The following FOXN3 variants were observed in gnomAD, a reference collection of about 807,000 sequenced individuals.
FOXN3 encodes forkhead box N3, also known as forkhead box protein N3.
In FOXN3, 7 loss-of-function variants were observed where a neutral mutation model predicts 38.4. The observed-to-expected ratio is 0.18, with a 90% CI of 0.10 to 0.34. The LOEUF is 0.34. Ranked by LOEUF, FOXN3 falls within the 10% of genes least tolerant of loss-of-function variation. The pLI is 1.00. For synonymous variants in FOXN3, 230 were observed against 242.2 expected (o/e 0.95, Z 0.47); for missense variants, 456 against 613.4 (o/e 0.74, Z 2.71).
chr14:89,338,365 C>T (rs1187604461), intron 3 of FOXN3, among the ~76,000 whole-genome samples: 3 of 152,202 alleles, frequency 2.0e-5, no homozygotes, highest in Non-Finnish European at 4.4e-5. Flanking sequence ...ATAACACCTA[C>T]ATGTGAAGTT....
At chr14:89,317,323 C>G (rs1007683516) in intron 3 of FOXN3, among the ~76,000 whole-genome samples, 7 of 152,172 alleles carry the variant, frequency 4.6e-5, no homozygotes, top group African/African-American at 1.4e-4. Context: ...GGAACAGCCA[C>G]CCCACTTCCT....
chr14:89,397,029 G>C (rs1418121942), intron 2 of FOXN3, among the ~76,000 whole-genome samples: 3 of 152,056 alleles, frequency 2.0e-5, no homozygotes, highest in Non-Finnish European at 2.9e-5. Flanking sequence ...CAAAGCCATG[G>C]AATCAACCTA....
intron 2 of FOXN3, among the ~76,000 whole-genome samples, chr14:89,410,585 A>C (rs1360999475): frequency 6.6e-6 from 1 of 152,230 alleles, no homozygotes; most frequent in African/African-American, 2.4e-5. Flanking sequence ...CCTTAAAACA[A>C]AAATAGGCCA....
intron 1 of FOXN3, among the ~76,000 whole-genome samples, chr14:89,416,512 T>C (rs1306918114): frequency 6.6e-6 from 1 of 152,038 alleles, no homozygotes. Flanking sequence ...GGGTGATCTT[T>C]GTTAGGAGCC....
At chr14:89,396,143 C>T (rs1891093117) in intron 2 of FOXN3, among the ~76,000 whole-genome samples, 1 of 152,178 alleles carries the variant, frequency 6.6e-6, no homozygotes, top group East Asian at 1.9e-4. Context: ...TTAAAGCATA[C>T]TCTCAAAGAC....
chr14:89,542,002 C>T (rs1424690630), intron 1 of FOXN3, among the ~76,000 whole-genome samples: 1 of 151,938 alleles, frequency 6.6e-6, no homozygotes, highest in Non-Finnish European at 1.5e-5. Flanking sequence ...TCTTGGATCT[C>T]GCGTAAGAAA....
intron 4 of FOXN3, among the ~76,000 whole-genome samples, chr14:89,186,199 G>A (rs766116409): frequency 1.9e-4 from 29 of 152,124 alleles, no homozygotes; most frequent in Admixed American, 6.5e-4. Flanking sequence ...GGGCTGGCAC[G>A]GGGAGACACA....
At chr14:89,547,370 T>C (rs1167691678) in intron 1 of FOXN3, among the ~76,000 whole-genome samples, 3 of 152,210 alleles carry the variant, frequency 2.0e-5, no homozygotes, top group African/African-American at 7.2e-5. Flanking sequence ...TTCTCCTGCC[T>C]CAGTCTCCCA....
At chr14:89,463,191 T>A (rs192342329) in intron 1 of FOXN3, among the ~76,000 whole-genome samples, 116 of 150,818 alleles carry the variant, frequency 7.7e-4, no homozygotes, top group African/African-American at 2.2e-3. Flanking sequence ...CAGGAGGCTG[T>A]GGCAGGAGAA....
At chr14:89,166,826 T>C (rs905009613) in intron 5 of FOXN3, among the ~76,000 whole-genome samples, 32 of 152,212 alleles carry the variant, frequency 2.1e-4, no homozygotes, top group African/African-American at 7.2e-4. Flanking sequence ...CTTGGTGCAA[T>C]GTTATTCACG....
chr14:89,304,893 G>C (rs557070361), intron 3 of FOXN3, among the ~76,000 whole-genome samples: 1 of 149,896 alleles, frequency 6.7e-6, no homozygotes, highest in South Asian at 2.1e-4. Context: ...ACCCAGAGGA[G>C]AGGAAGCTGA....
intron 1 of FOXN3, among the ~76,000 whole-genome samples, chr14:89,449,822 A>G (rs1892579107): frequency 6.6e-6 from 1 of 152,152 alleles, no homozygotes; most frequent in South Asian, 2.1e-4. Context: ...TCCATCAGGC[A>G]GCCTCTAGGA....
chr14:89,516,626 A>G (rs1183718052), intron 1 of FOXN3, among the ~76,000 whole-genome samples: 1 of 149,796 alleles, frequency 6.7e-6, no homozygotes, highest in Non-Finnish European at 1.5e-5. Flanking sequence ...CAGTGGCACA[A>G]TCATGGCTCA....
At chr14:89,284,450 G>C (rs1473493009) in intron 3 of FOXN3, 3 of 455,906 alleles carry the variant, frequency 6.6e-6, no homozygotes, top group Non-Finnish European at 1.3e-5. Context: ...CGCATCAACA[G>C]CTCCAATTTC....
chr14:89,236,408 G>A (rs1268115743), intron 4 of FOXN3, among the ~76,000 whole-genome samples: 2 of 152,254 alleles, frequency 1.3e-5, no homozygotes, highest in African/African-American at 2.4e-5. Context: ...CCAGCTACTC[G>A]GGAGGCTGAG....
In FOXN3 at chr14:89,440,515, A is replaced by G. The variant is rs555424778; in HGVS notation, c.-14-28025T>C. On this transcript the variant is annotated intron_variant, in intron 1 of 6. Coordinates refer to the FOXN3 transcript ENST00000345097. ...ACATTCCACCACAGAAGAAGTGTAA[A>G]TGGCCGGTTCTTGCCTTAAGTGATG... Among the ~76,000 whole-genome samples the G allele has an allele frequency of 3.2e-3, 482 of 152,312 alleles. 3 individuals carry two copies. Among genetic ancestry groups the G allele is most frequent in the African/African-American group, 0.011 (465 of 41,570 alleles).
chr14:89,509,233 A>G (rs1894008717), intron 1 of FOXN3, among the ~76,000 whole-genome samples: 1 of 152,184 alleles, frequency 6.6e-6, no homozygotes, highest in Non-Finnish European at 1.5e-5. Context: ...TCAAAGTTAT[A>G]GCACCCATGC....
chr14:89,386,218 A>G (rs1158132421), intron 2 of FOXN3, among the ~76,000 whole-genome samples: 1 of 152,216 alleles, frequency 6.6e-6, no homozygotes, highest in East Asian at 1.9e-4. Flanking sequence ...CCAACCAAAA[A>G]TTATTTTTTA....
At chr14:89,381,987 T>C (rs1053415811) in intron 2 of FOXN3, among the ~76,000 whole-genome samples, 21 of 152,092 alleles carry the variant, frequency 1.4e-4, no homozygotes, top group African/African-American at 5.1e-4. Context: ...TGCCTGTCAA[T>C]TGATTATCCT....
Sources: gnomAD v4.1 joint callset for allele counts (sites outside exome capture counted in the v4.1 genomes callset) on GRCh38, gnomAD v4.1.1 for gene constraint, MANE v1.5 for transcripts, NCBI Gene and HGNC (gene_info 2026-07-23, HGNC 2026-07-21) for gene names.